The following SH3RF3 variants were observed in gnomAD, a reference collection of about 807,000 sequenced individuals.
SH3RF3 encodes E3 ubiquitin-protein ligase SH3RF3.
Under a neutral mutation model 66.3 loss-of-function variants are expected in SH3RF3, and 29 were observed. That is an observed-to-expected ratio of 0.44 (90% confidence interval 0.33 to 0.60). The LOEUF (loss-of-function observed/expected upper bound fraction) is 0.60. SH3RF3 is among the 20% of genes least tolerant of loss of function. The probability of loss-of-function intolerance (pLI) is 0.04; values close to 1 mark genes in which losing one functional copy is unlikely to be tolerated. For synonymous variants in SH3RF3, 583 were observed against 532.0 expected, an observed-to-expected ratio of 1.10 and a Z score of -1.32; for missense variants, 1,194 against 1,190.9, an observed-to-expected ratio of 1.00 and a Z score of -0.04.
chr2:109,206,645 C>A (rs1678848314), intron 1 of SH3RF3, among the ~76,000 whole-genome samples: 1 of 149,696 alleles, frequency 6.7e-6, no homozygotes, highest in Non-Finnish European at 1.5e-5. Flanking sequence ...CCTGTCTCTA[C>A]AAAAAAAAAA....
chr2:109,286,513 C>T (rs1681033763), intron 1 of SH3RF3, among the ~76,000 whole-genome samples: 1 of 152,310 alleles, frequency 6.6e-6, no homozygotes, highest in African/African-American at 2.4e-5. Flanking sequence ...CACCTGGGTG[C>T]AGAAGACCAA....
At chr2:109,265,842 C>A (rs1680477613) in intron 1 of SH3RF3, among the ~76,000 whole-genome samples, 2 of 152,084 alleles carry the variant, frequency 1.3e-5, no homozygotes, top group East Asian at 1.9e-4. Context: ...CTGGGTGGGT[C>A]AAGGGGGTGG....
chr2:109,408,064 C>T (rs900909601), intron 4 of SH3RF3, among the ~76,000 whole-genome samples: 13 of 152,134 alleles, frequency 8.5e-5, no homozygotes, highest in Admixed American at 3.9e-4. Context: ...GGAGAGCATC[C>T]GGGAGCTCTG....
At chr2:109,454,176 A>G (rs190068044) in intron 8 of SH3RF3, among the ~76,000 whole-genome samples, 3 of 152,360 alleles carry the variant, frequency 2.0e-5, no homozygotes, top group African/African-American at 7.2e-5. Flanking sequence ...CATATTCATA[A>G]TAAAATAGGA....
At chr2:109,266,087 GTT>G (rs1680483655) in intron 1 of SH3RF3, among the ~76,000 whole-genome samples, 1 of 151,590 alleles carries the variant, frequency 6.6e-6, no homozygotes, top group Non-Finnish European at 1.5e-5. Flanking sequence ...TGGTATGTGT[GTT>G]GTGCGTGCAT....
intron 1 of SH3RF3, among the ~76,000 whole-genome samples, chr2:109,137,207 T>A (rs1486970490): frequency 1.3e-5 from 2 of 152,264 alleles, no homozygotes; most frequent in Non-Finnish European, 2.9e-5. Flanking sequence ...GATTTGGGGC[T>A]TAGTGAGTTT....
At chr2:109,452,718 C>T (rs534931702) in intron 8 of SH3RF3, among the ~76,000 whole-genome samples, 114 of 152,062 alleles carry the variant, frequency 7.5e-4, no homozygotes, top group Admixed American at 2.6e-3. Flanking sequence ...GGCTGGTTCC[C>T]GGGAGGCTTG....
intron 1 of SH3RF3, among the ~76,000 whole-genome samples, chr2:109,224,608 G>T (rs1679329912): frequency 6.6e-6 from 1 of 152,088 alleles, no homozygotes; most frequent in Non-Finnish European, 1.5e-5. Context: ...CTGTAATCCC[G>T]GCACTTTGGA....
chr2:109,297,584 A>C, intron 1 of SH3RF3, among the ~76,000 whole-genome samples: 1 of 117,274 alleles, frequency 8.5e-6, no homozygotes. Flanking sequence ...CAGTGTCCCC[A>C]ACCCAGTCAG....
chr2:109,190,254 A>C (rs573639809), intron 1 of SH3RF3, among the ~76,000 whole-genome samples: 1 of 152,098 alleles, frequency 6.6e-6, no homozygotes, highest in Non-Finnish European at 1.5e-5. Context: ...GCCCACTGCA[A>C]CCTCCGCCTC....
At chr2:109,415,348 G>A (rs1676694309) in intron 4 of SH3RF3, among the ~76,000 whole-genome samples, 1 of 152,230 alleles carries the variant, frequency 6.6e-6, no homozygotes, top group African/African-American at 2.4e-5. Flanking sequence ...GGCTGCCTGA[G>A]TTCAAAATAC....
At chr2:109,264,504 C>T (rs544582647) in intron 1 of SH3RF3, among the ~76,000 whole-genome samples, 7 of 152,342 alleles carry the variant, frequency 4.6e-5, no homozygotes, top group South Asian at 4.1e-4. Flanking sequence ...TAGAGGTGCT[C>T]GATAGATAGA....
intron 1 of SH3RF3, among the ~76,000 whole-genome samples, chr2:109,231,747 A>G (rs1365045349): frequency 6.6e-6 from 1 of 152,184 alleles, no homozygotes; most frequent in Non-Finnish European, 1.5e-5. Context: ...ACTACAGAGC[A>G]TTTGGGATTT....
At chr2:109,221,173 A>G (rs925877838) in intron 1 of SH3RF3, among the ~76,000 whole-genome samples, 4 of 152,242 alleles carry the variant, frequency 2.6e-5, no homozygotes, top group African/African-American at 7.2e-5. Context: ...CAGAGGAACC[A>G]TGGACCTGGA....
intron 4 of SH3RF3, among the ~76,000 whole-genome samples, chr2:109,401,126 G>A (rs573296498): frequency 6.6e-6 from 1 of 152,160 alleles, no homozygotes; most frequent in Non-Finnish European, 1.5e-5. Context: ...CCTTGACACC[G>A]GGCAGGTTGT....
intron 5 of SH3RF3, among the ~76,000 whole-genome samples, chr2:109,427,322 C>G (rs1021102952): frequency 6.6e-6 from 1 of 152,136 alleles, no homozygotes; most frequent in Non-Finnish European, 1.5e-5. Flanking sequence ...ATAATGCTAT[C>G]GCATACTTAA....
At chr2:109,279,414 T>C (rs1379562778) in intron 1 of SH3RF3, among the ~76,000 whole-genome samples, 2 of 152,216 alleles carry the variant, frequency 1.3e-5, no homozygotes, top group Non-Finnish European at 1.5e-5. Flanking sequence ...GGAGTGACTG[T>C]CCCTTGACCT....
chr2:109,467,614 G>T (rs550629741), intron 8 of SH3RF3, among the ~76,000 whole-genome samples: 1 of 152,348 alleles, frequency 6.6e-6, no homozygotes, highest in East Asian at 1.9e-4. Context: ...ATTTTTAAAA[G>T]TTAAGACAGC....
At position 109,364,029 on chromosome 2, in the gene SH3RF3, T is replaced by C. The variant is rs1683105909; in HGVS notation, c.850-7557T>C. 2.0e-5 allele frequency among the ~76,000 whole-genome samples: 3 copies of C among 152,288 alleles called. No homozygotes were observed. The South Asian group carries it at 6.2e-4, about 32-fold the overall frequency. On this transcript the variant is annotated intron_variant, in intron 2 of 9. Coordinates refer to ENST00000309415, the MANE Select transcript of SH3RF3 (RefSeq NM_001099289.3). Reference sequence around the variant, plus strand: ...AATAATTTGGAGAAATTCTCAGTTATTATTGTTTCAAATATTCCTTCTGTT... The same window carrying C: ...AATAATTTGGAGAAATTCTCAGTTACTATTGTTTCAAATATTCCTTCTGTT...
Sources: allele counts gnomAD v4.1 joint callset (sites outside exome capture counted in the v4.1 genomes callset), GRCh38; gene constraint gnomAD v4.1.1; transcripts MANE v1.5; gene names NCBI Gene and HGNC (gene_info 2026-07-23, HGNC 2026-07-21).